The following CLUL1 variants were observed in gnomAD, a reference collection of about 807,000 sequenced individuals.
The protein encoded by CLUL1 is clusterin-like protein 1.
Under a neutral mutation model 49.4 loss-of-function variants are expected in CLUL1, and 43 were observed. The observed-to-expected ratio is 0.87, with a 90% confidence interval of 0.68 to 1.12. The LOEUF (loss-of-function observed/expected upper bound fraction) is 1.12. Among genes scored for constraint, CLUL1 ranks in the 50% most tolerant of loss-of-function variants. The probability of loss-of-function intolerance (pLI) is 0.00; values close to 1 mark genes in which losing one functional copy is unlikely to be tolerated. For missense variants in CLUL1, 486 were observed against 544.4 expected, an observed-to-expected ratio of 0.89 and a Z score of 1.07; for synonymous variants, 192 against 184.9, an observed-to-expected ratio of 1.04 and a Z score of -0.31.
chr18:607,852 A>C (rs2073022834), intron 2 of CLUL1, among the ~76,000 whole-genome samples: 1 of 152,144 alleles, frequency 6.6e-6, no homozygotes, highest in Non-Finnish European at 1.5e-5. Flanking sequence ...ACAGGCACAC[A>C]CTGCCACCAC....
intron 2 of CLUL1, among the ~76,000 whole-genome samples, chr18:616,029 C>T (rs1200668344): frequency 1.3e-5 from 2 of 152,296 alleles, no homozygotes; most frequent in East Asian, 3.9e-4. Flanking sequence ...TGGCTAGTCT[C>T]TCAAAACTTG....
Position 619,357 on chromosome 18 carries a change from A to C in CLUL1, c.251A>C (p.Lys84Thr). The part of the protein sequence containing the change: ...MSTLKKCREE[K>T]QEALKLLNEV... Reference sequence around the variant, plus strand: ...ACCCTGAAGAAATGCAGAGAAGAAAAGCAGGTACAGTCATTGAAAATAATG... The same window carrying C: ...ACCCTGAAGAAATGCAGAGAAGAAACGCAGGTACAGTCATTGAAAATAATG... The change falls in exon 4 of 10, where the codon AAG (lysine) becomes ACG (threonine). Residue 84 changes from lysine to threonine, a missense_variant. Transcript: ENST00000692774. The C allele has an allele frequency of 3.1e-6, 5 of 1,611,410 alleles. No homozygotes were observed. Among genetic ancestry groups the C allele is most frequent in the Non-Finnish European group, 4.2e-6 (5 of 1,179,032 alleles).
At chr18:617,680 C>T (rs1042061632) in intron 2 of CLUL1, among the ~76,000 whole-genome samples, 1 of 145,602 alleles carries the variant, frequency 6.9e-6, no homozygotes, top group African/African-American at 2.5e-5. Context: ...GAGATGTTTA[C>T]AAAATGAAGC....
intron 4 of CLUL1, among the ~76,000 whole-genome samples, chr18:622,119 A>G (rs879944228): frequency 1.3e-5 from 2 of 152,148 alleles, no homozygotes; most frequent in Non-Finnish European, 2.9e-5. Context: ...CAAATTATGA[A>G]TTGGCAAATA....
chr18:628,455 T>G (rs1195682039), intron 6 of CLUL1, among the ~76,000 whole-genome samples: 1 of 152,164 alleles, frequency 6.6e-6, no homozygotes, highest in African/African-American at 2.4e-5. Context: ...GGCAGATATC[T>G]TCTGTGGGCT....
chr18:612,359 G>A (rs1194305640), intron 2 of CLUL1, among the ~76,000 whole-genome samples: 1 of 152,186 alleles, frequency 6.6e-6, no homozygotes, highest in Non-Finnish European at 1.5e-5. Context: ...ACTTGGCCAA[G>A]TTTGTTCCCA....
rs756902348 is a variant in CLUL1, at chr18:644,945, A to G, written c.1245A>G (p.Lys415=). 6.2e-7 allele frequency: 1 copy of G among 1,613,252 alleles called. No homozygotes were observed. Among genetic ancestry groups the G allele is most frequent in the East Asian group, 2.2e-5 (1 of 44,852 alleles). ...GGATTCATGAAGGAAATATTTCCAA[A>G]CAAGATGAAACAATGATGACAGACT... ...VPRIHEGNIS[K]QDETMMTDLS... is the part of the protein sequence containing the mutation. The change falls in exon 9 of 10, where the codon AAA becomes AAG. Residue 415 remains lysine (K), a synonymous_variant. Coordinates refer to ENST00000692774, the MANE Select transcript of CLUL1 (RefSeq NM_001393344.1).
chr18:618,302 C>T lies in CLUL1; in HGVS notation c.106+196C>T, dbSNP rs561523963. Among the ~76,000 whole-genome samples the T allele has an allele frequency of 2.1e-4, 32 of 152,342 alleles. No individual in the cohort carries two copies. The highest frequency in any genetic ancestry group is 4.3e-4 in the Non-Finnish European group (29 of 68,042). Reference sequence around the variant, plus strand: ...AAAATTCCAATCACGTCTCTGCAGGCGTTCACCTTTCCAGATGTTTGTATC... The same window carrying T: ...AAAATTCCAATCACGTCTCTGCAGGTGTTCACCTTTCCAGATGTTTGTATC... On this transcript the variant is annotated intron_variant, in intron 3 of 9. Coordinates refer to ENST00000692774, the MANE Select transcript of CLUL1 (RefSeq NM_001393344.1). This position sits in a 1 kb window ranked among gnomAD's most constrained non-coding sequence, Gnocchi z 4.2.
At chr18:627,071 T>C in intron 5 of CLUL1, 26 bp from the exon 6 acceptor site, 4 of 1,400,360 alleles carry the variant, frequency 2.9e-6, no homozygotes, top group Non-Finnish European at 3.9e-6. Flanking sequence ...TTTTATTCCA[T>C]TTCTGTCCCC....
At chr18:631,902 T>C (rs2074002384) in intron 6 of CLUL1, among the ~76,000 whole-genome samples, 1 of 152,132 alleles carries the variant, frequency 6.6e-6, no homozygotes, top group Admixed American at 6.5e-5. Context: ...CAGGGGGCTA[T>C]ACAGGGCAAA....
At chr18:622,779 T>C (rs942385613) in intron 4 of CLUL1, among the ~76,000 whole-genome samples, 2 of 152,194 alleles carry the variant, frequency 1.3e-5, no homozygotes, top group Admixed American at 6.5e-5. Flanking sequence ...GGTATAATAA[T>C]AGATGCCTTG....
Position 606,984 on chromosome 18 carries a change from G to A in CLUL1, c.-129G>A, listed in dbSNP as rs112148093. The stretch of plus-strand genomic sequence containing the variant: ...TTTCTTTTCTTTTCTTTAGAGTTGC[G>A]TCCCTCTCGGTTGCCAGGCTGGAGT... On this transcript the variant is annotated 5_prime_UTR_variant, in exon 2 of 10. Transcript: ENST00000692774. The surrounding 1 kb of genome is among the most constrained non-coding windows in gnomAD (Gnocchi z 4.1). 2.6e-4 allele frequency: 169 copies of A among 640,832 alleles called. No individual in the cohort carries two copies. Among genetic ancestry groups the A allele is most frequent in the Non-Finnish European group, 4.4e-4 (156 of 357,948 alleles). 39.7% of individuals were successfully genotyped at this position (640,832 alleles called of 1,614,324 possible). A position where few individuals can be genotyped will look rare whatever the true frequency, so the allele number is the denominator to read the frequency against.
chr18:634,583 T>C (rs2074088987), intron 7 of CLUL1, among the ~76,000 whole-genome samples: 1 of 152,176 alleles, frequency 6.6e-6, no homozygotes, highest in Non-Finnish European at 1.5e-5. Flanking sequence ...TCCTTCCTTC[T>C]TACCGCAAGC....
At chr18:642,732 G>A (rs1388845953) in intron 8 of CLUL1, among the ~76,000 whole-genome samples, 2 of 152,180 alleles carry the variant, frequency 1.3e-5, no homozygotes, top group Non-Finnish European at 2.9e-5. Flanking sequence ...CAGATCCCTG[G>A]GGATCCCTTT....
intron 2 of CLUL1, among the ~76,000 whole-genome samples, chr18:608,668 T>G (rs904456144): frequency 6.6e-6 from 1 of 152,094 alleles, no homozygotes; most frequent in Non-Finnish European, 1.5e-5. Context: ...CAGTGAACCA[T>G]GATCTCACTA....
chr18:645,391 A>C (rs1354826040), intron 9 of CLUL1, among the ~76,000 whole-genome samples: 2 of 152,224 alleles, frequency 1.3e-5, no homozygotes. Context: ...AAGAGCCATA[A>C]AATTTCCTTT....
chr18:625,559 A>C (rs993097288), intron 5 of CLUL1, among the ~76,000 whole-genome samples: 4 of 133,092 alleles, frequency 3.0e-5, no homozygotes, highest in Non-Finnish European at 6.5e-5. Context: ...ACACACACAC[A>C]CCCCTTCATG....
intron 2 of CLUL1, among the ~76,000 whole-genome samples, chr18:607,984 C>T (rs770160052): frequency 6.6e-6 from 1 of 152,122 alleles, no homozygotes; most frequent in East Asian, 1.9e-4. Flanking sequence ...AAGTTTTGTA[C>T]GTATCTGAGC....
chr18:630,155 C>T (rs1029851950), intron 6 of CLUL1, among the ~76,000 whole-genome samples: 4 of 152,160 alleles, frequency 2.6e-5, no homozygotes, highest in African/African-American at 9.7e-5. Flanking sequence ...GTCACCCAGG[C>T]TGGAGTGCAG....
Sources: allele counts gnomAD v4.1 joint callset (sites outside exome capture counted in the v4.1 genomes callset), GRCh38; gene constraint gnomAD v4.1.1; non-coding constraint Gnocchi (gnomAD v3.1); transcripts MANE v1.5; gene names NCBI Gene and HGNC (gene_info 2026-07-23, HGNC 2026-07-21).